Variants in BCKDHB observed in about 807,000 individuals in gnomAD.
BCKDHB encodes the protein 2-oxoisovalerate dehydrogenase subunit beta, mitochondrial.
In BCKDHB, 41 loss-of-function variants were observed where a neutral mutation model predicts 48.5. The ratio of observed to expected loss-of-function variants is 0.85; its 90% CI spans 0.66 to 1.10. The LOEUF is 1.10. BCKDHB is among the 50% of genes least tolerant of loss of function. The pLI is 0.00. For synonymous variants in BCKDHB, 201 were observed against 174.8 expected (o/e 1.15, Z -1.18); for missense variants, 496 against 494.2 (o/e 1.00, Z -0.03).
intron 8 of BCKDHB, among the ~76,000 whole-genome samples, chr6:80,222,543 A>G (rs150672153): frequency 7.2e-5 from 11 of 152,268 alleles, no homozygotes; most frequent in Admixed American, 7.2e-4. Context: ...TAAGTCTTTC[A>G]ACACTGAGTT....
intron 8 of BCKDHB, among the ~76,000 whole-genome samples, chr6:80,240,829 A>C (rs1222808794): frequency 6.6e-6 from 1 of 152,136 alleles, no homozygotes; most frequent in Non-Finnish European, 1.5e-5. Flanking sequence ...CTCCTGGATA[A>C]TATCCTGAAG....
At chr6:80,392,532 T>A in the BCKDHB span, among the ~76,000 whole-genome samples, 2 of 152,006 alleles carry the variant, frequency 1.3e-5, no homozygotes, top group Non-Finnish European at 2.9e-5. Flanking sequence ...TTCTATTTTC[T>A]GCAAGAGTTT....
chr6:80,181,828 C>T (rs1489069333), intron 6 of BCKDHB, among the ~76,000 whole-genome samples: 2 of 152,136 alleles, frequency 1.3e-5, no homozygotes, highest in African/African-American at 4.8e-5. Flanking sequence ...AAGATGCCTA[C>T]TCATATTGCA....
At chr6:80,450,640 T>G in the BCKDHB span, among the ~76,000 whole-genome samples, 8 of 152,164 alleles carry the variant, frequency 5.3e-5, no homozygotes. Context: ...GGTGAAATTT[T>G]TTTGGCCTTC....
chr6:80,413,746 G>T, the BCKDHB span, among the ~76,000 whole-genome samples: 1 of 152,186 alleles, frequency 6.6e-6, no homozygotes, highest in East Asian at 1.9e-4. Flanking sequence ...TGTGAATGGT[G>T]CTGCAATAAA....
intron 1 of BCKDHB, among the ~76,000 whole-genome samples, chr6:80,119,760 G>A (rs141329859): frequency 1.3e-5 from 2 of 152,142 alleles, no homozygotes; most frequent in East Asian, 3.9e-4. Flanking sequence ...TTTACAAAAT[G>A]TATTTCTTAA....
chr6:80,410,191 C>G, the BCKDHB span, among the ~76,000 whole-genome samples: 1 of 152,164 alleles, frequency 6.6e-6, no homozygotes, highest in Non-Finnish European at 1.5e-5. Flanking sequence ...GATTTTATTT[C>G]TCTTTCACTT....
chr6:80,281,585 C>T (rs748889845), intron 9 of BCKDHB, among the ~76,000 whole-genome samples: 2 of 152,100 alleles, frequency 1.3e-5, no homozygotes, highest in African/African-American at 2.4e-5. Context: ...ATATAGACTA[C>T]CATTTCAAGA....
At chr6:80,147,063 C>T (rs1305332578) in intron 3 of BCKDHB, among the ~76,000 whole-genome samples, 1 of 152,104 alleles carries the variant, frequency 6.6e-6, no homozygotes, top group Non-Finnish European at 1.5e-5. Flanking sequence ...ATAATAGTAG[C>T]AGCAAAGTCT....
chr6:80,253,350 A>T (rs1362579008), intron 8 of BCKDHB, among the ~76,000 whole-genome samples: 1 of 152,186 alleles, frequency 6.6e-6, no homozygotes, highest in Non-Finnish European at 1.5e-5. Context: ...CTAGAGAGGA[A>T]GGTTGCAGGA....
intron 3 of BCKDHB, among the ~76,000 whole-genome samples, chr6:80,140,620 A>T (rs1771152319): frequency 1.3e-5 from 2 of 151,866 alleles, no homozygotes; most frequent in African/African-American, 2.4e-5. Context: ...TGATTTGCGT[A>T]TATTGAACCA....
Position 80,159,040 on chromosome 6 carries a change from T to C in BCKDHB, c.344-8638T>C, listed in dbSNP as rs139490045. Among the ~76,000 whole-genome samples, 264 of 152,308 alleles carry C rather than the reference T, an allele frequency of 1.7e-3. 1 individual carries two copies. The highest frequency in any genetic ancestry group is 6.0e-3 in the African/African-American group (250 of 41,558). Reference sequence around the variant, plus strand: ...TGAGTAAGGGGAACACCATTTTCCCTTTACTACTTTCAACTTAGGTGTTAA... The same window carrying C: ...TGAGTAAGGGGAACACCATTTTCCCCTTACTACTTTCAACTTAGGTGTTAA... On this transcript the variant is annotated intron_variant, in intron 3 of 9. Transcript: ENST00000320393.
chr6:80,350,787 G>A (rs6921321), downstream of BCKDHB, among the ~76,000 whole-genome samples: 31,261 of 151,972 alleles, frequency 0.21, 3,717 homozygotes, highest in South Asian at 0.37. Context: ...TGATCATTTG[G>A]AACATTTATC....
chr6:80,136,785 A>G (rs986598399), intron 3 of BCKDHB, among the ~76,000 whole-genome samples: 2 of 152,166 alleles, frequency 1.3e-5, no homozygotes, highest in African/African-American at 2.4e-5. Context: ...AAAAATAAGC[A>G]AAGGACTTGC....
rs60810302 is a variant in BCKDHB, at chr6:80,196,344, T to G, written c.743-4590T>G. On this transcript the variant is annotated intron_variant, in intron 6 of 9. Coordinates refer to ENST00000320393, the MANE Select transcript of BCKDHB (RefSeq NM_183050.4). ...TGGAATATACTCTCTATTTTTCTTG[T>G]GTCAAGTACCTCTGTCTCTAAGACC... 5.3e-3 allele frequency among the ~76,000 whole-genome samples: 800 copies of G among 152,314 alleles called. 9 individuals are homozygous for G. Among genetic ancestry groups the G allele is most frequent in the African/African-American group, 0.018 (768 of 41,582 alleles).
chr6:80,340,561 T>C (rs1769835654), intron 9 of BCKDHB, among the ~76,000 whole-genome samples: 1 of 152,242 alleles, frequency 6.6e-6, no homozygotes, highest in Non-Finnish European at 1.5e-5. Flanking sequence ...ATGCCATTAC[T>C]TAATTCCCAA....
At position 80,305,857 on chromosome 6, in the gene BCKDHB, G is replaced by T. The variant is rs561662551; in HGVS notation, c.1038+32636G>T. On this transcript the variant is annotated intron_variant, in intron 9 of 9. Coordinates refer to ENST00000320393, the MANE Select transcript of BCKDHB (RefSeq NM_183050.4). ...CCTATCTTACTGAACTGCTCTTGGG[G>T]ATTAAATGACAAGGAATATAATAAT... Among the ~76,000 whole-genome samples, 8 of 152,244 alleles carry T rather than the reference G, an allele frequency of 5.3e-5. No individual in the cohort carries two copies. The South Asian group carries it at 1.7e-3, about 32-fold the overall frequency.
At chr6:80,117,737 C>T (rs1380955768) in intron 1 of BCKDHB, among the ~76,000 whole-genome samples, 17 of 152,254 alleles carry the variant, frequency 1.1e-4, no homozygotes, top group Non-Finnish European at 2.4e-4. Context: ...CCCTTTGTTT[C>T]CTGTAAGGAA....
At chr6:80,382,160 T>C in the BCKDHB span, among the ~76,000 whole-genome samples, 1 of 152,144 alleles carries the variant, frequency 6.6e-6, no homozygotes, top group Non-Finnish European at 1.5e-5. Context: ...GATTGAACAA[T>C]ATCTCTTTTT....
Sources: allele counts gnomAD v4.1 joint callset (sites outside exome capture counted in the v4.1 genomes callset), GRCh38; gene constraint gnomAD v4.1.1; transcripts MANE v1.5; gene names NCBI Gene and HGNC (gene_info 2026-07-23, HGNC 2026-07-21).